The following INPP5D variants were observed in gnomAD, a reference collection of about 807,000 sequenced individuals.
INPP5D encodes phosphatidylinositol 3,4,5-trisphosphate 5-phosphatase 1.
In INPP5D, 33 loss-of-function variants were observed where a neutral mutation model predicts 122.9. That is an observed-to-expected ratio of 0.27 (90% CI 0.20 to 0.36). INPP5D has a LOEUF of 0.36. INPP5D is among the 10% of genes least tolerant of loss of function. INPP5D has a pLI of 1.00. For missense variants in INPP5D, 1,053 were observed against 1,412.7 expected, an observed-to-expected ratio of 0.75 and a Z score of 4.08; for synonymous variants, 584 against 576.2, an observed-to-expected ratio of 1.01 and a Z score of -0.19.
intron 23 of INPP5D, 111 bp downstream of exon 23, chr2:233,194,072 A>C (rs1695121478): frequency 7.0e-7 from 1 of 1,419,088 alleles, no homozygotes; most frequent in Non-Finnish European, 9.3e-7. Flanking sequence ...GCCTCAGAGC[A>C]GAAATCCAGC....
Position 233,070,271 on chromosome 2 carries a change from CTG to C in INPP5D, c.135-9062_135-9061del, listed in dbSNP as rs139076116. Among the ~76,000 whole-genome samples the C allele has an allele frequency of 9.1e-3, 1,382 of 152,092 alleles. 17 individuals carry two copies. The highest frequency in any genetic ancestry group is 0.032 in the South Asian group (156 of 4,818). ...ATGATTTTTTTTTGACATTCAGGGA[CTG>C]TAAATTTTTATATAGTGAAGTCTCT... On this transcript the variant is annotated intron_variant, in intron 1 of 26. Coordinates refer to ENST00000445964, the MANE Select transcript of INPP5D (RefSeq NM_001017915.3).
At chr2:233,097,665 T>G (rs1449727623) in intron 2 of INPP5D, among the ~76,000 whole-genome samples, 1 of 152,226 alleles carries the variant, frequency 6.6e-6, no homozygotes, top group Non-Finnish European at 1.5e-5. Flanking sequence ...AGGGTACTCT[T>G]AAATATCTGT....
In INPP5D at chr2:233,188,314, TCTC is replaced by T. The variant is rs1222683555; in HGVS notation, c.2359-1531_2359-1529del. On this transcript the variant is annotated intron_variant, in intron 21 of 26. Transcript: ENST00000445964. This position sits in a 1 kb window ranked among gnomAD's most constrained non-coding sequence, Gnocchi z 4.7. ...TCCCTGCTGTGGCCCCCTAGATAGT[TCTC>T]CTCCCTGCCACCGCCTGCCAGGGTG... Among the ~76,000 whole-genome samples, 2 of 151,826 alleles carry T rather than the reference TCTC, an allele frequency of 1.3e-5. No individual in the cohort carries two copies. Among genetic ancestry groups the T allele is most frequent in the African/African-American group, 4.8e-5 (2 of 41,290 alleles).
rs140094850 is a variant in INPP5D at position 233,098,936 on chromosome 2, T to TTTTTTTTATTTATTTA, written c.198+19541_198+19542insTTTTATTTATTTATTT. Reference sequence around the variant, plus strand: ...TGCTAAGCTAGATTTGGAACTTTATTTTTATTTATTTATTTATTTATTTAT... The same window carrying TTTTTTTTATTTATTTA: ...TGCTAAGCTAGATTTGGAACTTTATTTTTTTTTATTTATTTATTTATTTATTTATTTATTTATTTAT... On this transcript the variant is annotated intron_variant, in intron 2 of 26. Transcript: ENST00000445964. Among the ~76,000 whole-genome samples, 693 of 146,072 alleles carry TTTTTTTTATTTATTTA rather than the reference T, an allele frequency of 4.7e-3. 9 individuals carry two copies. The highest frequency in any genetic ancestry group is 0.016 in the African/African-American group (637 of 39,528).
At chr2:233,137,075 G>C (rs1693482746) in intron 5 of INPP5D, among the ~76,000 whole-genome samples, 1 of 152,074 alleles carries the variant, frequency 6.6e-6, no homozygotes, top group Non-Finnish European at 1.5e-5. Flanking sequence ...CTCTCTTCAA[G>C]AAAAATATGA....
chr2:233,156,575 A>G (rs892940350), intron 9 of INPP5D, among the ~76,000 whole-genome samples: 7 of 152,260 alleles, frequency 4.6e-5, no homozygotes, highest in South Asian at 2.1e-4. Flanking sequence ...GATTACAGGC[A>G]TGAGCCACCG....
intron 4 of INPP5D, among the ~76,000 whole-genome samples, chr2:233,129,795 C>T (rs1237436437): frequency 6.6e-6 from 1 of 152,186 alleles, no homozygotes; most frequent in Non-Finnish European, 1.5e-5. Flanking sequence ...TAGATCCCAT[C>T]ATCCTTCCAG....
intron 2 of INPP5D, among the ~76,000 whole-genome samples, chr2:233,119,158 C>T (rs888961987): frequency 3.3e-5 from 5 of 152,200 alleles, no homozygotes; most frequent in Admixed American, 6.5e-5. Context: ...AGCATTGGTG[C>T]GTCTTAAATT....
At chr2:233,186,578 G>T (rs1694920569) in intron 21 of INPP5D, among the ~76,000 whole-genome samples, 1 of 151,176 alleles carries the variant, frequency 6.6e-6, no homozygotes, top group South Asian at 2.1e-4. Context: ...AAGGCAGGGG[G>T]ATTGCTTGAG....
intron 20 of INPP5D, among the ~76,000 whole-genome samples, chr2:233,184,887 A>T (rs1694872355): frequency 6.6e-6 from 1 of 151,312 alleles, no homozygotes; most frequent in Admixed American, 6.6e-5. Context: ...GACCTCAAAG[A>T]GCCGGTGTGA....
chr2:233,198,114 T>C lies in INPP5D; in HGVS notation c.2713T>C (p.Ser905Pro). ...VTSRAPPCSGSSITEIINPNY... is the reference protein window; with the variant it reads ...VTSRAPPCSGPSITEIINPNY... ...CTGCAGGGCCCCTCCGTGCAGTGGC[T>C]CCAGCATCACTGAAATCATCAACCC... Residue 905 changes from serine (S) to proline (P), a missense_variant, in exon 25 of 27, where the codon TCC becomes CCC. Ser to Pro is a moderately conservative substitution (Grantham distance 74). This residue lies in a region of INPP5D where 417 missense variants were observed against 425.8 expected (regional missense o/e 0.98). Coordinates refer to ENST00000445964, the MANE Select transcript of INPP5D (RefSeq NM_001017915.3). 6 of 1,609,218 alleles carry C rather than the reference T, an allele frequency of 3.7e-6. No homozygotes were observed. Among genetic ancestry groups the C allele is most frequent in the Non-Finnish European group, 5.1e-6 (6 of 1,177,380 alleles).
intron 6 of INPP5D, among the ~76,000 whole-genome samples, chr2:233,143,677 A>G (rs1200266919): frequency 6.6e-6 from 1 of 152,236 alleles, no homozygotes; most frequent in African/African-American, 2.4e-5. Flanking sequence ...GTGGTTAGAG[A>G]AAGCACTGAC....
intron 1 of INPP5D, among the ~76,000 whole-genome samples, chr2:233,068,810 G>A (rs1691301124): frequency 6.6e-6 from 1 of 152,192 alleles, no homozygotes; most frequent in Non-Finnish European, 1.5e-5. Context: ...TCAGAGAGAT[G>A]GAAGCAGGAA....
At chr2:233,121,061 G>C (rs1000298359) in intron 2 of INPP5D, among the ~76,000 whole-genome samples, 3 of 150,196 alleles carry the variant, frequency 2.0e-5, no homozygotes, top group Admixed American at 6.6e-5. Context: ...TTCTAAACTG[G>C]AAAATAGGTA....
chr2:233,159,061 T>G (rs1694131034), intron 10 of INPP5D, among the ~76,000 whole-genome samples: 1 of 152,114 alleles, frequency 6.6e-6, no homozygotes, highest in Non-Finnish European at 1.5e-5. Flanking sequence ...GTATTATAGG[T>G]GTGAGCCACC....
In INPP5D at chr2:233,078,122, A is replaced by G. The variant is rs1574707123; in HGVS notation, c.135-1213A>G. 6.6e-6 allele frequency among the ~76,000 whole-genome samples: 1 copy of G among 152,174 alleles called. No individual in the cohort carries two copies. Among genetic ancestry groups the G allele is most frequent in the Non-Finnish European group, 1.5e-5 (1 of 68,022 alleles). On this transcript the variant is annotated intron_variant, in intron 1 of 26. Coordinates refer to ENST00000445964, the MANE Select transcript of INPP5D (RefSeq NM_001017915.3). The surrounding 1 kb of genome is among the most constrained non-coding windows in gnomAD (Gnocchi z 4.6). ...GCTTTAAGTAAGAGCCTAAGATCCA[A>G]ATAGCTTTCCCTCGATCTCCTGACA... is the stretch of plus-strand genomic sequence containing the variant.
At chr2:233,085,520 C>T (rs1421529871) in intron 2 of INPP5D, among the ~76,000 whole-genome samples, 3 of 151,886 alleles carry the variant, frequency 2.0e-5, no homozygotes, top group Non-Finnish European at 4.4e-5. Context: ...AATTCTTTTC[C>T]AGTGTTGTCA....
chr2:233,146,474 G>C (rs150609958), intron 8 of INPP5D, 36 bp downstream of exon 8: 3 of 703,188 alleles, frequency 4.3e-6, no homozygotes, highest in Non-Finnish European at 7.8e-6. Context: ...CTGGGCTTGG[G>C]CTCCACAGCT....
intron 17 of INPP5D, among the ~76,000 whole-genome samples, chr2:233,175,910 G>A (rs1488678009): frequency 1.3e-5 from 2 of 152,106 alleles, no homozygotes; most frequent in Non-Finnish European, 2.9e-5. Flanking sequence ...TCGAACTCCC[G>A]ACCTCAGGTG....
Sources: gnomAD v4.1 joint callset for allele counts (sites outside exome capture counted in the v4.1 genomes callset) on GRCh38, gnomAD v4.1.1 for gene constraint, gnomAD v4.1.1 regional missense constraint, Gnocchi (gnomAD v3.1) non-coding constraint, MANE v1.5 for transcripts, NCBI Gene and HGNC (gene_info 2026-07-23, HGNC 2026-07-21) for gene names.